Variants in SLC13A1 observed in about 807,000 individuals in gnomAD.
SLC13A1 encodes the protein Na(+)/sulfate cotransporter.
A neutral mutation model predicts 70.0 loss-of-function variants in SLC13A1; 65 were observed. The observed-to-expected ratio is 0.93, with a 90% CI of 0.76 to 1.14. The LOEUF (loss-of-function observed/expected upper bound fraction) is 1.14. Among genes scored for constraint, SLC13A1 ranks in the 50% most tolerant of loss-of-function variants. SLC13A1 has a pLI of 0.00. For synonymous variants in SLC13A1, 275 were observed against 250.5 expected, an observed-to-expected ratio of 1.10 and a Z score of -0.92; for missense variants, 726 against 717.8, an observed-to-expected ratio of 1.01 and a Z score of -0.13.
chr7:123,126,027 G>A (rs1199977144), intron 10 of SLC13A1, among the ~76,000 whole-genome samples: 2 of 152,078 alleles, frequency 1.3e-5, no homozygotes, highest in Non-Finnish European at 2.9e-5. Flanking sequence ...TAATAATATT[G>A]ATCAAGATTT....
chr7:123,157,377 A>T (rs1433510907), intron 6 of SLC13A1, among the ~76,000 whole-genome samples: 1 of 152,152 alleles, frequency 6.6e-6, no homozygotes, highest in Non-Finnish European at 1.5e-5. Context: ...ATAAAGTAAT[A>T]AACATTTATT....
intron 1 of SLC13A1, among the ~76,000 whole-genome samples, chr7:123,198,299 G>T (rs1042596274): frequency 8.2e-6 from 1 of 122,228 alleles, no homozygotes; most frequent in African/African-American, 2.6e-5. Context: ...AGGAGCCGGG[G>T]TGGGAGTGGC....
chr7:123,179,498 T>A (rs768486120), intron 2 of SLC13A1, among the ~76,000 whole-genome samples: 1 of 152,170 alleles, frequency 6.6e-6, no homozygotes, highest in Non-Finnish European at 1.5e-5. Context: ...GATAAAGGAC[T>A]GTTGGGCAGG....
chr7:123,195,146 AT>A (rs1483788331), intron 1 of SLC13A1, among the ~76,000 whole-genome samples: 1 of 152,112 alleles, frequency 6.6e-6, no homozygotes, highest in Non-Finnish European at 1.5e-5. Flanking sequence ...CTTGTAAAAT[AT>A]TTGTGAAATA....
At chr7:123,142,418 G>T (rs1235755992) in intron 7 of SLC13A1, among the ~76,000 whole-genome samples, 2 of 152,028 alleles carry the variant, frequency 1.3e-5, no homozygotes, top group African/African-American at 2.4e-5. Flanking sequence ...TTAAGAACCT[G>T]CATGGTGCTC....
At chr7:123,177,894 A>T (rs1367936426) in intron 2 of SLC13A1, among the ~76,000 whole-genome samples, 1 of 152,102 alleles carries the variant, frequency 6.6e-6, no homozygotes, top group Non-Finnish European at 1.5e-5. Context: ...CTCTAGAAAG[A>T]CAGGAAATAT....
intron 1 of SLC13A1, among the ~76,000 whole-genome samples, chr7:123,189,432 C>CT (rs1162213062): frequency 6.6e-5 from 10 of 152,226 alleles, no homozygotes; most frequent in Middle Eastern, 3.4e-3. Context: ...GAATTATGCT[C>CT]TTTTAACATT....
intron 1 of SLC13A1, 89 bp from the exon 2 acceptor site, chr7:123,181,190 A>G (rs747869411): frequency 1.9e-5 from 26 of 1,380,610 alleles, no homozygotes; most frequent in Non-Finnish European, 2.5e-5. Context: ...TAATAGAGCC[A>G]TGTCACAGAG....
chr7:123,133,796 C>G (rs1793851992), intron 8 of SLC13A1, among the ~76,000 whole-genome samples: 1 of 152,038 alleles, frequency 6.6e-6, no homozygotes. Flanking sequence ...TCCCAAAGTG[C>G]TGGGATTACA....
At chr7:123,148,057 A>G (rs1248777945) in intron 6 of SLC13A1, among the ~76,000 whole-genome samples, 3 of 152,134 alleles carry the variant, frequency 2.0e-5, no homozygotes, top group Non-Finnish European at 4.4e-5. Context: ...CTCAGCATTG[A>G]GAGATAAGTC....
intron 1 of SLC13A1, among the ~76,000 whole-genome samples, chr7:123,185,943 T>G (rs572621108): frequency 6.6e-6 from 1 of 152,198 alleles, no homozygotes; most frequent in African/African-American, 2.4e-5. Flanking sequence ...ATCCTATTGA[T>G]GGGTTCATCC....
intron 8 of SLC13A1, among the ~76,000 whole-genome samples, chr7:123,131,017 T>C (rs1392363620): frequency 2.0e-5 from 3 of 152,176 alleles, no homozygotes; most frequent in Non-Finnish European, 1.5e-5. Context: ...TTATGGATTA[T>C]CTCTTGGAAT....
At position 123,195,851 on chromosome 7, in the gene SLC13A1, G is replaced by A. The variant is rs571231223; in HGVS notation, c.99+3997C>T. Among the ~76,000 whole-genome samples the A allele has an allele frequency of 2.8e-3, 430 of 152,076 alleles. 4 individuals carry two copies. The highest frequency in any genetic ancestry group is 9.4e-3 in the African/African-American group (391 of 41,506). Reference sequence around the variant, plus strand: ...TTTCCTTGTCTCCTGATCTTAAAAAGGGGTCCTGATTAATAAGTAAGCTAG... The same window carrying A: ...TTTCCTTGTCTCCTGATCTTAAAAAAGGGTCCTGATTAATAAGTAAGCTAG... On this transcript the variant is annotated intron_variant, in intron 1 of 14. Coordinates refer to ENST00000194130, the MANE Select transcript of SLC13A1 (RefSeq NM_022444.4).
At chr7:123,168,182 G>T (rs987020545) in intron 6 of SLC13A1, among the ~76,000 whole-genome samples, 192 bp downstream of exon 6, 33 of 152,100 alleles carry the variant, frequency 2.2e-4, no homozygotes, top group Admixed American at 1.3e-4. Flanking sequence ...GCCTAAAATG[G>T]TTCCTATCCA....
At chr7:123,178,622 G>T (rs1245943318) in intron 2 of SLC13A1, among the ~76,000 whole-genome samples, 1 of 152,028 alleles carries the variant, frequency 6.6e-6, no homozygotes, top group African/African-American at 2.4e-5. Context: ...TTAAGCTCAG[G>T]TCTTATGACT....
rs1049628259 is a variant in SLC13A1, at chr7:123,134,397, A to G, written c.932+13T>C. On this transcript the variant is annotated intron_variant, in intron 8 of 14. Transcript: ENST00000194130. ...ACCTTTATTTAGCCTATTAACATGA[A>G]ATATTTACTTACTTGAATCCTAGGA... 2.5e-6 allele frequency: 4 copies of G among 1,610,830 alleles called. No individual in the cohort carries two copies. The highest frequency in any genetic ancestry group is 3.3e-4 in the Middle Eastern group (2 of 6,056).
chr7:123,186,017 G>C (rs987574339), intron 1 of SLC13A1, among the ~76,000 whole-genome samples: 2 of 151,832 alleles, frequency 1.3e-5, no homozygotes, highest in Non-Finnish European at 2.9e-5. Flanking sequence ...TCGTGCTTGG[G>C]TATGTGAAAG....
Position 123,167,097 on chromosome 7 carries a change from G to A in SLC13A1, c.660+1277C>T, listed in dbSNP as rs866820512. Among the ~76,000 whole-genome samples the A allele has an allele frequency of 2.5e-3, 378 of 152,286 alleles. 4 individuals are homozygous for A. The highest frequency in any genetic ancestry group is 8.2e-3 in the African/African-American group (340 of 41,564). On this transcript the variant is annotated intron_variant, in intron 6 of 14. Coordinates refer to ENST00000194130, the MANE Select transcript of SLC13A1 (RefSeq NM_022444.4). ...AGGAACACTTTTACACTGTTGGTGG[G>A]ACTGTAAACTAGCTCAACCATTGTG...
intron 6 of SLC13A1, among the ~76,000 whole-genome samples, chr7:123,160,695 C>T (rs1449101062): frequency 6.6e-6 from 1 of 151,984 alleles, no homozygotes; most frequent in Non-Finnish European, 1.5e-5. Flanking sequence ...TGTGCTAGTC[C>T]GAAAAGCTGC....
Sources: gnomAD v4.1 joint callset for allele counts (sites outside exome capture counted in the v4.1 genomes callset) on GRCh38, gnomAD v4.1.1 for gene constraint, MANE v1.5 for transcripts, NCBI Gene and HGNC (gene_info 2026-07-23, HGNC 2026-07-21) for gene names.